The following AHNAK2 variants were observed in gnomAD, a reference collection of about 807,000 sequenced individuals.
AHNAK2 encodes AHNAK nucleoprotein 2.
In AHNAK2, 18 loss-of-function variants were observed where a neutral mutation model predicts 30.7. The ratio of observed to expected loss-of-function variants is 0.59; its 90% CI spans 0.41 to 0.87. AHNAK2 has a LOEUF of 0.87. AHNAK2 is among the 40% of genes least tolerant of loss of function. The probability of loss-of-function intolerance (pLI) is 0.00; values close to 1 mark genes in which losing one functional copy is unlikely to be tolerated. For synonymous variants in AHNAK2, 3,590 were observed against 3,073.8 expected (o/e 1.17, Z -5.56); for missense variants, 8,604 against 7,373.0 (o/e 1.17, Z -6.11).
At position 104,938,253 on chromosome 14, in the gene AHNAK2, A is replaced by C. The variant is rs766736413; in HGVS notation, c.17198T>G (p.Phe5733Cys). 1 of 1,613,790 alleles carries C rather than the reference A, an allele frequency of 6.2e-7. No homozygotes were observed. Among genetic ancestry groups the C allele is most frequent in the Non-Finnish European group, 8.5e-7 (1 of 1,179,834 alleles). ...GGAGAAACTTTCTCGGGCATCAAAA[A>C]ACGTGATTGTTTCTTCTTGAAGTTT... ...EQKLQEETIT[F>C]FDARESFSPE... is the part of the protein sequence containing the mutation. Residue 5733 changes from phenylalanine to cysteine, a missense_variant, in exon 7 of 7, where the codon TTT becomes TGT. Physicochemically the swap from Phe to Cys is radical, Grantham distance 205. Transcript: ENST00000333244.
chr14:104,944,983 T>C lies in AHNAK2; in HGVS notation c.10468A>G (p.Arg3490Gly), dbSNP rs1419861488. The change falls in exon 7 of 7, where the codon AGG becomes GGG. Residue 3490 changes from arginine (R) to glycine (G), a missense_variant. Coordinates refer to ENST00000333244, the MANE Select transcript of AHNAK2 (RefSeq NM_138420.4). ...ACATCCAGCGAGGCCTCGATGGACC[T>C]GCCTGGGGCCGACACCCCGAAGGAG... is the stretch of plus-strand genomic sequence containing the variant. ...MPSFGVSAPG[R>G]SIEASLDVSA... 2 of 1,613,026 alleles carry C rather than the reference T, an allele frequency of 1.2e-6. No individual in the cohort carries two copies. The highest frequency in any genetic ancestry group is 1.1e-5 in the South Asian group (1 of 91,026).
rs1317551430 is a variant in AHNAK2, at chr14:104,947,753, C to G, written c.7698G>C (p.Leu2566=). 3 of 1,612,798 alleles carry G rather than the reference C, an allele frequency of 1.9e-6. No homozygotes were observed. The highest frequency in any genetic ancestry group is 2.5e-6 in the Non-Finnish European group (3 of 1,179,620). The stretch of plus-strand genomic sequence containing the variant: ...TGAAACTGGGCATCTGCACCTTGGG[C>G]AGGTGCCCTTTGAGGCCGGCTCCCT... ...VPEGAGLKGH[L]PKVQMPSFKM... The change falls in exon 7 of 7, where the codon CTG becomes CTC. Residue 2566 remains leucine, a synonymous_variant. Transcript: ENST00000333244.
Position 104,953,289 on chromosome 14 carries a change from G to A in AHNAK2, c.2162C>T (p.Thr721Ile). Residue 721 changes from threonine (T) to isoleucine (I), a missense_variant, in exon 7 of 7, where the codon ACT becomes ATT. Thr to Ile is a moderately conservative substitution (Grantham distance 89). Coordinates refer to ENST00000333244, the MANE Select transcript of AHNAK2 (RefSeq NM_138420.4). The stretch of plus-strand genomic sequence containing the variant: ...GGAAGGGGTCTGGACGCTGAGGTCA[G>A]TGGTCTTGAGGTCCCCCTGCATGGA... The part of the protein sequence containing the change: ...LLSMQGDLKT[T>I]DLSVQTPSAD... 2 of 1,612,856 alleles carry A rather than the reference G, an allele frequency of 1.2e-6. No homozygotes were observed. Among genetic ancestry groups the A allele is most frequent in the Non-Finnish European group, 1.7e-6 (2 of 1,179,660 alleles).
chr14:104,941,937 T>C lies in AHNAK2; in HGVS notation c.13514A>G (p.Asp4505Gly). The C allele has an allele frequency of 6.2e-7, 1 of 1,613,148 alleles. No individual in the cohort carries two copies. Among genetic ancestry groups the C allele is most frequent in the East Asian group, 2.2e-5 (1 of 44,844 alleles). ...AATGCGGAGGTCAGTGGTCTTGAGG[T>C]CCCCCTGCATGGAGGGAATGCTCAT... is the stretch of plus-strand genomic sequence containing the variant. ...ADMSIPSMQG[D>G]LKTTDLRIQA... The change falls in exon 7 of 7, where the codon GAC (aspartate) becomes GGC (glycine). Residue 4505 changes from aspartate to glycine, a missense_variant. Physicochemically the swap from Asp to Gly is moderately conservative, Grantham distance 94. Coordinates refer to ENST00000333244, the MANE Select transcript of AHNAK2 (RefSeq NM_138420.4).
Position 104,941,270 on chromosome 14 carries a change from A to C in AHNAK2, c.14181T>G (p.Ser4727=). The C allele has an allele frequency of 1.2e-6, 2 of 1,613,632 alleles. No homozygotes were observed. The highest frequency in any genetic ancestry group is 4.5e-5 in the East Asian group (2 of 44,890). The change falls in exon 7 of 7, where the codon TCT becomes TCG. Residue 4727 remains serine, a synonymous_variant. Transcript: ENST00000333244. ...PKDSLVPGAK[S]SIGLSTIPLS... is the part of the protein sequence containing the mutation. ...AAGGAATCGTGGAAAGACCTATGCT[A>C]GACTTTGCACCTGGGACTAAACTAT...
rs753260907 is a variant in AHNAK2, at chr14:104,943,138, C to A, written c.12313G>T (p.Ala4105Ser). Residue 4105 changes from alanine to serine, a missense_variant, in exon 7 of 7, where the codon GCC (alanine) becomes TCC (serine). By Grantham distance (99) the Ala-to-Ser change is moderately conservative. Coordinates refer to ENST00000333244, the MANE Select transcript of AHNAK2 (RefSeq NM_138420.4). ...SLSSMEVDVQ[A>S]PRAKLDGVQL... ...ACACCATCCAGCTTTGCTCTCGGGGCCTGGACGTCCACCTCCATGCTGGAC... is the reference window on the plus strand; with the variant it reads ...ACACCATCCAGCTTTGCTCTCGGGGACTGGACGTCCACCTCCATGCTGGAC... 9 of 1,613,316 alleles carry A rather than the reference C, an allele frequency of 5.6e-6. No homozygotes were observed. Among genetic ancestry groups the A allele is most frequent in the Non-Finnish European group, 7.6e-6 (9 of 1,179,622 alleles).
rs760787659 is a variant in AHNAK2, at chr14:104,954,596, G to A, written c.855C>T (p.Tyr285=). The A allele has an allele frequency of 6.2e-6, 10 of 1,610,262 alleles. No homozygotes were observed. The highest frequency in any genetic ancestry group is 2.2e-5 in the East Asian group (1 of 44,846). ...ACACGTCATGTGCGTCCCTAGGTTC[G>A]TAGGCCTCTGACGAGCTGTGTGACC... ...PQRSHSSSEA[Y]EPRDAHDVSP... Residue 285 remains tyrosine (Y), a synonymous_variant, in exon 7 of 7, where the codon TAC becomes TAT. Coordinates refer to ENST00000333244, the MANE Select transcript of AHNAK2 (RefSeq NM_138420.4). The surrounding 1 kb of genome is among the most constrained non-coding windows in gnomAD (Gnocchi z 4.3).
chr14:104,977,351 C>G (rs570905585), intron 1 of AHNAK2, among the ~76,000 whole-genome samples: 1 of 152,300 alleles, frequency 6.6e-6, no homozygotes, highest in South Asian at 2.1e-4. Context: ...CTGAGACACC[C>G]AGGCCCCGGA....
intron 3 of AHNAK2, 105 bp downstream of exon 3, chr14:104,957,305 C>T: frequency 1.9e-6 from 2 of 1,080,686 alleles, no homozygotes; most frequent in Non-Finnish European, 2.6e-6. Context: ...GCCCAGTGGG[C>T]AGCGGGGCAG....
chr14:104,949,806 A>T lies in AHNAK2; in HGVS notation c.5645T>A (p.Val1882Asp), dbSNP rs755466645. ...CTTCATGTCCACTTGGCCAGCCTGG[A>T]CCACCAGGTCTGCAGAAGGGAGCGG... Reference protein sequence around the residue: ...CIPLPSADLVVQAGQVDMKLP... With the variant: ...CIPLPSADLVDQAGQVDMKLP... The change falls in exon 7 of 7, where the codon GTC (valine) becomes GAC (aspartate). Residue 1882 changes from valine (V) to aspartate (D), a missense_variant. By Grantham distance (152) the Val-to-Asp change is radical. Transcript: ENST00000333244. 5.0e-6 allele frequency: 8 copies of T among 1,586,578 alleles called. No individual in the cohort carries two copies. The highest frequency in any genetic ancestry group is 1.7e-4 in the Middle Eastern group (1 of 6,032).
intron 1 of AHNAK2, among the ~76,000 whole-genome samples, chr14:104,967,215 C>T (rs1346904173): frequency 2.0e-5 from 3 of 152,224 alleles, no homozygotes; most frequent in Non-Finnish European, 4.4e-5. Context: ...GCCTCCCCAG[C>T]CAAAAAGCCC....
chr14:104,940,821 A>T lies in AHNAK2; in HGVS notation c.14630T>A (p.Met4877Lys). Residue 4877 changes from methionine to lysine, a missense_variant, in exon 7 of 7, where the codon ATG becomes AAG. Met to Lys is a moderately conservative substitution (Grantham distance 95, BLOSUM62 -1). Coordinates refer to ENST00000333244, the MANE Select transcript of AHNAK2 (RefSeq NM_138420.4). This position sits in a 1 kb window ranked among gnomAD's most constrained non-coding sequence, Gnocchi z 4.4. ...ATGTAGGTCTCCCTCAGGAACTGCC[A>T]TTTGGGGGACTGAAAACACAAACTT... is the stretch of plus-strand genomic sequence containing the variant. ...KPKFVFSVPQ[M>K]AVPEGDLHAA... 6.2e-7 allele frequency: 1 copy of T among 1,613,100 alleles called. No individual in the cohort carries two copies. Among genetic ancestry groups the T allele is most frequent in the Non-Finnish European group, 8.5e-7 (1 of 1,179,882 alleles).
Position 104,939,926 on chromosome 14 carries a change from G to T in AHNAK2, c.15525C>A (p.Ser5175Arg), listed in dbSNP as rs749811265. The T allele has an allele frequency of 4.3e-6, 7 of 1,612,324 alleles. No homozygotes were observed. The highest frequency in any genetic ancestry group is 5.9e-6 in the Non-Finnish European group (7 of 1,179,900). ...KPDAEVLTVE[S>R]PEEEAMTKYS... is the part of the protein sequence containing the mutation. The stretch of plus-strand genomic sequence containing the variant: ...ACTTGGTCATGGCTTCCTCCTCTGG[G>T]CTTTCCACTGTGAGGACTTCAGCAT... Residue 5175 changes from serine (S) to arginine (R), a missense_variant, in exon 7 of 7, where the codon AGC becomes AGA. Transcript: ENST00000333244.
chr14:104,946,471 C>G lies in AHNAK2; in HGVS notation c.8980G>C (p.Gly2994Arg). Residue 2994 changes from glycine to arginine, a missense_variant, in exon 7 of 7, where the codon GGC becomes CGC. Transcript: ENST00000333244. Reference protein sequence around the residue: ...KMPSFGVSAPGKSIEVSVDVS... With the variant: ...KMPSFGVSAPRKSIEVSVDVS... The stretch of plus-strand genomic sequence containing the variant: ...TCCACCGAGACCTCAATGGACTTGC[C>G]TGGGGCAGACACCCCGAACGACGGC... The G allele has an allele frequency of 6.2e-7, 1 of 1,612,890 alleles. No individual in the cohort carries two copies. The highest frequency in any genetic ancestry group is 8.5e-7 in the Non-Finnish European group (1 of 1,179,618).
intron 1 of AHNAK2, among the ~76,000 whole-genome samples, chr14:104,964,741 G>A (rs1426635466): frequency 6.6e-6 from 1 of 152,240 alleles, no homozygotes; most frequent in Non-Finnish European, 1.5e-5. Context: ...TCACAGTCAG[G>A]CTCAGGCCAC....
rs370457636 is a variant in AHNAK2, at chr14:104,950,834, A to T, written c.4617T>A (p.Thr1539=). Residue 1539 remains threonine (T), a synonymous_variant, in exon 7 of 7, where the codon ACT becomes ACA. Transcript: ENST00000333244. ...CAGAAGGGGGCTGTATGCTCAGGTC[A>T]GTGGCCTTGAGGTCCCCCTGCATGG... ...LPSMQGDLKA[T]DLSIQPPSAD... 3 of 1,584,876 alleles carry T rather than the reference A, an allele frequency of 1.9e-6. No homozygotes were observed.
rs1216041788 is a variant in AHNAK2 at position 104,947,512 on chromosome 14, T to C, written c.7939A>G (p.Lys2647Glu). The C allele has an allele frequency of 3.7e-6, 6 of 1,612,260 alleles. No individual in the cohort carries two copies. The highest frequency in any genetic ancestry group is 5.1e-6 in the Non-Finnish European group (6 of 1,179,508). Residue 2647 changes from lysine (K) to glutamate (E), a missense_variant, in exon 7 of 7, where the codon AAG (lysine) becomes GAG (glutamate). By Grantham distance (56) the Lys-to-Glu change is moderately conservative. Transcript: ENST00000333244. ...ATCTTGAACTTGGGCATTTTGAACTTGCTATCTTTGGCTGTCACACCCTTG... is the reference window on the plus strand; with the variant it reads ...ATCTTGAACTTGGGCATTTTGAACTCGCTATCTTTGGCTGTCACACCCTTG... Reference protein sequence around the residue: ...ADKGVTAKDSKFKMPKFKMPS... With the variant: ...ADKGVTAKDSEFKMPKFKMPS...
chr14:104,941,825 G>C lies in AHNAK2; in HGVS notation c.13626C>G (p.Leu4542=). ...TCTCCACCTTGGGCAGGTGCCCTTT[G>C]AGGCCGGCTACCTCGGGCATGTGGC... is the stretch of plus-strand genomic sequence containing the variant. ...PEGHMPEVAG[L]KGHLPKVEMP... The change falls in exon 7 of 7, where the codon CTC becomes CTG. Residue 4542 remains leucine, a synonymous_variant. Transcript: ENST00000333244. 6.2e-7 allele frequency: 1 copy of C among 1,613,396 alleles called. No individual in the cohort carries two copies. The highest frequency in any genetic ancestry group is 8.5e-7 in the Non-Finnish European group (1 of 1,179,658).
In AHNAK2 at chr14:104,956,754, A is replaced by G. The variant is rs866193518; in HGVS notation, c.214-65T>C. ...CTCAGGGACAGGGAGGGGCACAGGTAGGCTGGTGCCAGACCAGGAGCCCTC... is the reference window on the plus strand; with the variant it reads ...CTCAGGGACAGGGAGGGGCACAGGTGGGCTGGTGCCAGACCAGGAGCCCTC... On this transcript the variant is annotated intron_variant, in intron 3 of 6. Transcript: ENST00000333244. 20 of 1,497,138 alleles carry G rather than the reference A, an allele frequency of 1.3e-5. No homozygotes were observed. The Middle Eastern group carries it at 3.4e-3, about 258-fold the overall frequency. The allele number at this position is 1,497,138 out of a possible 1,614,324, so 92.7% of individuals were successfully genotyped here. A position where few individuals can be genotyped will look rare whatever the true frequency, so the allele number is the denominator to read the frequency against.
Sources: gnomAD v4.1 joint callset for allele counts (sites outside exome capture counted in the v4.1 genomes callset) on GRCh38, gnomAD v4.1.1 for gene constraint, Gnocchi (gnomAD v3.1) non-coding constraint, MANE v1.5 for transcripts, NCBI Gene and HGNC (gene_info 2026-07-23, HGNC 2026-07-21) for gene names.